The following ERC2 variants were observed in gnomAD, a reference collection of about 807,000 sequenced individuals.
ERC2 encodes ELKS/RAB6-interacting/CAST family member 2.
Under a neutral mutation model 114.8 loss-of-function variants are expected in ERC2, and 42 were observed. The ratio of observed to expected loss-of-function variants is 0.37; its 90% confidence interval spans 0.29 to 0.47. The LOEUF is 0.47. ERC2 is among the 20% of genes least tolerant of loss of function. ERC2 has a pLI of 0.99. For synonymous variants in ERC2, 454 were observed against 425.5 expected (o/e 1.07, Z -0.82); for missense variants, 939 against 1,150.7 (o/e 0.82, Z 2.66).
chr3:55,856,215 C>T (rs995518905), intron 14 of ERC2, among the ~76,000 whole-genome samples: 10 of 152,182 alleles, frequency 6.6e-5, no homozygotes, highest in African/African-American at 2.4e-4. Context: ...AGCCAGGCAG[C>T]AGGCTTGGTA....
At chr3:56,388,552 C>A (rs1177591680) in intron 2 of ERC2, among the ~76,000 whole-genome samples, 2 of 152,138 alleles carry the variant, frequency 1.3e-5, no homozygotes, top group African/African-American at 4.8e-5. Context: ...TACAGCAATG[C>A]AGACTAACAC....
intron 4 of ERC2, among the ~76,000 whole-genome samples, chr3:56,166,684 A>G (rs779309110): frequency 1.6e-4 from 25 of 152,070 alleles, no homozygotes; most frequent in Non-Finnish European, 2.8e-4. Context: ...TTATTATCAC[A>G]AAGTTGCTAA....
chr3:55,820,876 C>T (rs75241540), intron 14 of ERC2, among the ~76,000 whole-genome samples: 3,248 of 152,282 alleles, frequency 0.021, 64 homozygotes, highest in South Asian at 0.085. Context: ...CAAGCTACTG[C>T]GCTGGCATAA....
At chr3:55,717,967 C>G (rs577447129) in intron 15 of ERC2, among the ~76,000 whole-genome samples, 1 of 152,246 alleles carries the variant, frequency 6.6e-6, no homozygotes, top group Admixed American at 6.5e-5. Context: ...TGCACAGGGA[C>G]TAATGTTTTT....
chr3:55,740,861 C>T (rs2065928044), intron 14 of ERC2, among the ~76,000 whole-genome samples: 3 of 152,094 alleles, frequency 2.0e-5, no homozygotes, highest in Admixed American at 1.3e-4. Flanking sequence ...CAAAGTACTC[C>T]AAAATCCTAG....
At chr3:55,598,308 C>CTAA (rs2058245185) in intron 17 of ERC2, among the ~76,000 whole-genome samples, 1 of 152,204 alleles carries the variant, frequency 6.6e-6, no homozygotes, top group African/African-American at 2.4e-5. Context: ...TCAAAATCAG[C>CTAA]TGTGTGGCCA....
At chr3:56,355,364 G>A (rs1479980224) in intron 2 of ERC2, among the ~76,000 whole-genome samples, 1 of 149,156 alleles carries the variant, frequency 6.7e-6, no homozygotes, top group African/African-American at 2.5e-5. Flanking sequence ...TGTCACCCAG[G>A]CTGGAGTGCA....
chr3:56,204,961 T>C (rs995852934), intron 3 of ERC2, among the ~76,000 whole-genome samples: 1 of 152,082 alleles, frequency 6.6e-6, no homozygotes, highest in Non-Finnish European at 1.5e-5. Flanking sequence ...TGTATGTCTG[T>C]CTGTCTCATT....
rs557402449 is a variant in ERC2 at position 55,845,582 on chromosome 3, G to A, written c.2564+42807C>T. Among the ~76,000 whole-genome samples, 15 of 150,998 alleles carry A rather than the reference G, an allele frequency of 9.9e-5. No individual in the cohort carries two copies. In the East Asian group the frequency reaches 2.9e-3, roughly 29 times the overall value. ...TTAGGAAAATCTGCCAACAACATTTGGGTCTAATTCTAAAAACATAATTCA... is the reference window on the plus strand; with the variant it reads ...TTAGGAAAATCTGCCAACAACATTTAGGTCTAATTCTAAAAACATAATTCA... On this transcript the variant is annotated intron_variant, in intron 14 of 17. Transcript: ENST00000288221.
At chr3:55,565,706 T>C (rs1020741205) in intron 17 of ERC2, among the ~76,000 whole-genome samples, 11 of 152,268 alleles carry the variant, frequency 7.2e-5, no homozygotes, top group African/African-American at 2.7e-4. Context: ...AGTCACTCTT[T>C]GGCAACCAAA....
chr3:55,849,027 C>T (rs1161817362), intron 14 of ERC2, among the ~76,000 whole-genome samples: 1 of 152,104 alleles, frequency 6.6e-6, no homozygotes, highest in African/African-American at 2.4e-5. Flanking sequence ...AAAACAGAGA[C>T]AGTGCCTGCC....
At chr3:56,403,095 C>T (rs1560759645) in intron 2 of ERC2, among the ~76,000 whole-genome samples, 1 of 152,158 alleles carries the variant, frequency 6.6e-6, no homozygotes, top group African/African-American at 2.4e-5. Context: ...ATTAACCCTC[C>T]GTTCCAATTA....
chr3:55,665,925 A>T (rs2061340230), intron 17 of ERC2, among the ~76,000 whole-genome samples: 1 of 152,194 alleles, frequency 6.6e-6, no homozygotes, highest in African/African-American at 2.4e-5. Context: ...CACAGCTAGC[A>T]TGTGGCCAAG....
At chr3:55,676,088 T>C (rs1423895110) in intron 17 of ERC2, among the ~76,000 whole-genome samples, 1 of 151,614 alleles carries the variant, frequency 6.6e-6, no homozygotes, top group Non-Finnish European at 1.5e-5. Context: ...GCCCAACTAA[T>C]TTTTTTGCAT....
intron 17 of ERC2, among the ~76,000 whole-genome samples, chr3:55,656,631 T>C (rs190529835): frequency 1.3e-5 from 2 of 152,320 alleles, no homozygotes; most frequent in East Asian, 3.9e-4. Context: ...TGTGATTATC[T>C]TATAAGGAGA....
At chr3:56,208,852 G>T (rs1329602772) in intron 3 of ERC2, among the ~76,000 whole-genome samples, 1 of 152,110 alleles carries the variant, frequency 6.6e-6, no homozygotes, top group Non-Finnish European at 1.5e-5. Context: ...GTCACAACTA[G>T]GCCAGGGGAA....
chr3:56,162,733 G>A (rs2082117386), intron 4 of ERC2, among the ~76,000 whole-genome samples: 1 of 151,924 alleles, frequency 6.6e-6, no homozygotes, highest in South Asian at 2.1e-4. Context: ...TGTCACCTTT[G>A]TCATTTCTGA....
At chr3:56,129,351 T>G (rs1575526194) in intron 6 of ERC2, among the ~76,000 whole-genome samples, 1 of 152,188 alleles carries the variant, frequency 6.6e-6, no homozygotes, top group South Asian at 2.1e-4. Context: ...CAAACGTGGA[T>G]CCAGTGTCAG....
chr3:55,596,503 C>T (rs1485487651), intron 17 of ERC2, among the ~76,000 whole-genome samples: 1 of 152,124 alleles, frequency 6.6e-6, no homozygotes, highest in Non-Finnish European at 1.5e-5. Context: ...CACTTGAGCC[C>T]AGGAGTTCAA....
Sources: gnomAD v4.1 joint callset for allele counts (sites outside exome capture counted in the v4.1 genomes callset) on GRCh38, gnomAD v4.1.1 for gene constraint, MANE v1.5 for transcripts, NCBI Gene and HGNC (gene_info 2026-07-23, HGNC 2026-07-21) for gene names.